Variants in STRBP observed in about 807,000 individuals in gnomAD.
The protein encoded by STRBP is spermatid perinuclear RNA-binding protein.
STRBP carries 13 observed loss-of-function variants against 80.1 expected under a neutral mutation model. The observed-to-expected ratio is 0.16, with a 90% CI of 0.11 to 0.26. The LOEUF (loss-of-function observed/expected upper bound fraction) is 0.26. Among genes scored for constraint, STRBP ranks in the 10% least tolerant of loss-of-function variants. STRBP has a pLI of 1.00. For missense variants in STRBP, 485 were observed against 815.2 expected, an observed-to-expected ratio of 0.59 and a Z score of 4.93; for synonymous variants, 284 against 291.2, an observed-to-expected ratio of 0.98 and a Z score of 0.25.
chr9:123,132,000 G>A (rs994535964), intron 17 of STRBP, among the ~76,000 whole-genome samples: 4 of 152,154 alleles, frequency 2.6e-5, no homozygotes, highest in Non-Finnish European at 5.9e-5. Context: ...CCAGTTTAAA[G>A]TACTATACTT....
At chr9:123,268,244 T>G in intron 1 of STRBP, among the ~76,000 whole-genome samples, 192 bp downstream of exon 1, 1 of 142,602 alleles carries the variant, frequency 7.0e-6, no homozygotes, top group Admixed American at 6.9e-5. Context: ...GCGGCCACAA[T>G]GCCGGAGCCG....
chr9:123,147,699 A>T, intron 12 of STRBP, 79 bp downstream of exon 12: 1 of 978,322 alleles, frequency 1.0e-6, no homozygotes, highest in Non-Finnish European at 1.4e-6. Context: ...AAAAAAAAAA[A>T]CCCTTCACTT....
At chr9:123,174,630 A>G (rs1588044158) in intron 4 of STRBP, among the ~76,000 whole-genome samples, 1 of 152,208 alleles carries the variant, frequency 6.6e-6, no homozygotes, top group Non-Finnish European at 1.5e-5. Context: ...AGTTCCTCCC[A>G]ACTATATCAT....
rs187453443 is a variant in STRBP at position 123,239,836 on chromosome 9, G to A, written c.-301-2870C>T. ...TATCTGCAAACTAGCCACCTGACACGAGAAGTACTACATTACTATTATTGT... is the reference window on the plus strand; with the variant it reads ...TATCTGCAAACTAGCCACCTGACACAAGAAGTACTACATTACTATTATTGT... On this transcript the variant is annotated intron_variant, in intron 1 of 18. Coordinates refer to ENST00000348403, the MANE Select transcript of STRBP (RefSeq NM_018387.5). Among the ~76,000 whole-genome samples, 31 of 152,242 alleles carry A rather than the reference G, an allele frequency of 2.0e-4. 1 individual carries two copies. In the Middle Eastern group the frequency reaches 0.01, roughly 50 times the overall value.
intron 13 of STRBP, among the ~76,000 whole-genome samples, chr9:123,146,595 C>T (rs1454376451): frequency 1.4e-5 from 2 of 147,902 alleles, no homozygotes; most frequent in East Asian, 2.0e-4. Context: ...GATACAAATA[C>T]GAATGATCTT....
intron 5 of STRBP, among the ~76,000 whole-genome samples, chr9:123,173,045 G>A (rs1056141743): frequency 6.6e-6 from 1 of 152,102 alleles, no homozygotes; most frequent in African/African-American, 2.4e-5. Context: ...AGTCCTTGGG[G>A]TAGGCTGGCA....
chr9:123,263,158 T>C (rs1431086076), intron 1 of STRBP, among the ~76,000 whole-genome samples: 1 of 152,160 alleles, frequency 6.6e-6, no homozygotes, highest in Non-Finnish European at 1.5e-5. Context: ...TGGGTAACAG[T>C]GTCCAAACAT....
rs1276399526 is a variant in STRBP, at chr9:123,179,012, A to G, written c.219T>C (p.Tyr73=). The change falls in exon 4 of 19, where the codon TAT becomes TAC. Residue 73 remains tyrosine, a synonymous_variant. Coordinates refer to ENST00000348403, the MANE Select transcript of STRBP (RefSeq NM_018387.5). ...AGAGGTCAGTCCACACTCACTTGGA[A>G]TAGTTTTCTCCGGCCTCATCTTTCT... ...EVKKDEAGEN[Y]SKDQGGRTLC... is the part of the protein sequence containing the mutation. 6.2e-7 allele frequency: 1 copy of G among 1,614,034 alleles called. No individual in the cohort carries two copies. The highest frequency in any genetic ancestry group is 1.3e-5 in the African/African-American group (1 of 75,034).
At chr9:123,168,085 T>A (rs2037846977) in intron 6 of STRBP, 1 of 384,236 alleles carries the variant, frequency 2.6e-6, no homozygotes, top group South Asian at 1.1e-4. Flanking sequence ...TCAGTCTTTT[T>A]CTCATCTCCT....
chr9:123,215,928 A>AT (rs1167275290), intron 2 of STRBP, among the ~76,000 whole-genome samples: 1 of 152,244 alleles, frequency 6.6e-6, no homozygotes, highest in Admixed American at 6.5e-5. Flanking sequence ...CTAATGTCTG[A>AT]TAACAGTGAA....
intron 2 of STRBP, among the ~76,000 whole-genome samples, chr9:123,232,613 G>A (rs2040429318): frequency 6.6e-6 from 1 of 152,196 alleles, no homozygotes; most frequent in Admixed American, 6.5e-5. Context: ...GAAATTAACA[G>A]AGAAAACTGG....
At chr9:123,205,117 T>C (rs2039469926) in intron 2 of STRBP, among the ~76,000 whole-genome samples, 1 of 151,788 alleles carries the variant, frequency 6.6e-6, no homozygotes, top group African/African-American at 2.4e-5. Flanking sequence ...AATACAAAAA[T>C]TAGCTGGGTG....
At chr9:123,208,756 T>A (rs1201767990) in intron 2 of STRBP, among the ~76,000 whole-genome samples, 2 of 152,216 alleles carry the variant, frequency 1.3e-5, no homozygotes, top group Non-Finnish European at 2.9e-5. Context: ...TTCTAGTATT[T>A]GTTCCACTGC....
chr9:123,156,266 T>C (rs886532959), intron 11 of STRBP, among the ~76,000 whole-genome samples: 1 of 152,166 alleles, frequency 6.6e-6, no homozygotes, highest in African/African-American at 2.4e-5. Flanking sequence ...ATGCTTGATG[T>C]CACATGGGTA....
chr9:123,167,128 T>C (rs2037801776), intron 6 of STRBP, among the ~76,000 whole-genome samples: 1 of 152,084 alleles, frequency 6.6e-6, no homozygotes, highest in African/African-American at 2.4e-5. Context: ...TTTTTCTTCC[T>C]TTTTTAGATT....
chr9:123,203,118 C>G (rs2039386530), intron 2 of STRBP, among the ~76,000 whole-genome samples: 1 of 152,046 alleles, frequency 6.6e-6, no homozygotes. Flanking sequence ...CTTTGGGAGG[C>G]TAAGATGGGA....
intron 17 of STRBP, among the ~76,000 whole-genome samples, chr9:123,128,589 A>T (rs1345384789): frequency 2.0e-5 from 3 of 152,240 alleles, no homozygotes; most frequent in African/African-American, 7.2e-5. Flanking sequence ...ACCTGGTCAA[A>T]CTTATCCGTC....
At chr9:123,171,110 ATT>A (rs1365920550) in intron 5 of STRBP, among the ~76,000 whole-genome samples, 1 of 152,184 alleles carries the variant, frequency 6.6e-6, no homozygotes, top group Non-Finnish European at 1.5e-5. Flanking sequence ...GCTCACATTC[ATT>A]TTGTCACTAA....
chr9:123,180,755 A>G (rs939528396), intron 3 of STRBP: 1 of 218,222 alleles, frequency 4.6e-6, no homozygotes, highest in Non-Finnish European at 7.8e-6. Flanking sequence ...ATTTACAAAT[A>G]TCACGAAGAC....
Sources: allele counts gnomAD v4.1 joint callset (sites outside exome capture counted in the v4.1 genomes callset), GRCh38; gene constraint gnomAD v4.1.1; transcripts MANE v1.5; gene names NCBI Gene and HGNC (gene_info 2026-07-23, HGNC 2026-07-21).